The following CUBN variants were observed in gnomAD, a reference collection of about 807,000 sequenced individuals.
The protein encoded by CUBN is 460 kDa receptor.
A neutral mutation model predicts 405.3 loss-of-function variants in CUBN; 282 were observed. That is an observed-to-expected ratio of 0.70 (90% CI 0.63 to 0.77). CUBN has a LOEUF of 0.77. Ranked by LOEUF, CUBN falls within the 30% of genes least tolerant of loss-of-function variation. CUBN has a pLI of 0.00. For missense variants in CUBN, 4,514 were observed against 4,475.2 expected (o/e 1.01, Z -0.25); for synonymous variants, 1,684 against 1,617.0 (o/e 1.04, Z -0.99).
intron 35 of CUBN, among the ~76,000 whole-genome samples, chr10:16,947,785 T>C (rs527637764): frequency 1.8e-4 from 27 of 152,276 alleles, no homozygotes; most frequent in African/African-American, 6.5e-4. Flanking sequence ...TTCTGTAGCT[T>C]TTAACCACTA....
rs765906111 is a variant in CUBN at position 16,904,080 on chromosome 10, C to G, written c.7948G>C (p.Gly2650Arg). 5.0e-6 allele frequency: 8 copies of G among 1,613,698 alleles called. No individual in the cohort carries two copies. The South Asian group carries it at 8.8e-5, about 18-fold the overall frequency. Residue 2650 changes from glycine to arginine, a missense_variant, in exon 51 of 67, where the codon GGT becomes CGT. This residue lies in a region of CUBN where 25 missense variants were observed against 48.5 expected (regional missense o/e 0.52). Transcript: ENST00000377833. ...ADGPLMWRLC[G>R]PSKPTLPLVI... is the part of the protein sequence containing the mutation. ...AATGGCAATGTAGGCTTTGAAGGACCACAAAGTCTCCACATCAGGGGCCCA... is the reference window on the plus strand; with the variant it reads ...AATGGCAATGTAGGCTTTGAAGGACGACAAAGTCTCCACATCAGGGGCCCA...
intron 27 of CUBN, among the ~76,000 whole-genome samples, chr10:17,040,193 A>G (rs1358628483): frequency 6.6e-6 from 1 of 152,158 alleles, no homozygotes; most frequent in Admixed American, 6.5e-5. Flanking sequence ...TGCAGGTAGG[A>G]GGGCAGGTGG....
At chr10:17,010,082 C>T (rs771870630) in intron 28 of CUBN, among the ~76,000 whole-genome samples, 6 of 152,212 alleles carry the variant, frequency 3.9e-5, no homozygotes, top group Non-Finnish European at 8.8e-5. Context: ...GGCCTTGCCC[C>T]AGACCCCATC....
At chr10:16,855,102 T>G (rs1839835363) in intron 59 of CUBN, among the ~76,000 whole-genome samples, 1 of 108,690 alleles carries the variant, frequency 9.2e-6, no homozygotes. Context: ...CCTCCTTCCC[T>G]TCCTTCCTTC....
intron 22 of CUBN, among the ~76,000 whole-genome samples, chr10:17,064,881 A>T (rs909213015): frequency 6.6e-6 from 1 of 152,202 alleles, no homozygotes; most frequent in Non-Finnish European, 1.5e-5. Flanking sequence ...CATTAGGTCA[A>T]ATTGAGAAAT....
rs762144217 is a variant in CUBN, at chr10:17,123,674, C to G, written c.403G>C (p.Val135Leu). 6.2e-7 allele frequency: 1 copy of G among 1,613,762 alleles called. No individual in the cohort carries two copies. The highest frequency in any genetic ancestry group is 1.1e-5 in the South Asian group (1 of 90,940). ...QGLQQTVDKK[V>L]CSSNPCQNGG... The stretch of plus-strand genomic sequence containing the variant: ...TTCTGGCAAGGATTGCTGCTGCAAA[C>G]CTTTTTGTCAACAGTCTGAAACAAA... The change falls in exon 5 of 67, where the codon GTT (valine) becomes CTT (leucine). Residue 135 changes from valine to leucine, a missense_variant. Coordinates refer to ENST00000377833, the MANE Select transcript of CUBN (RefSeq NM_001081.4).
chr10:16,946,789 C>T (rs973931343), intron 36 of CUBN, among the ~76,000 whole-genome samples: 1 of 152,012 alleles, frequency 6.6e-6, no homozygotes, highest in African/African-American at 2.4e-5. Context: ...GCCACTACAC[C>T]CAGCCCCAGA....
At chr10:17,113,469 C>G (rs932017559) in intron 8 of CUBN, among the ~76,000 whole-genome samples, 1 of 151,990 alleles carries the variant, frequency 6.6e-6, no homozygotes, top group Non-Finnish European at 1.5e-5. Flanking sequence ...TCTCATAAAA[C>G]AAAAGATGCC....
chr10:16,984,221 G>A lies in CUBN; in HGVS notation c.4409C>T (p.Ser1470Leu). Residue 1470 changes from serine to leucine, a missense_variant, in exon 30 of 67, where the codon TCA becomes TTA. Around this residue, in one of 5 missense-constraint regions of CUBN, gnomAD observed 1,613 missense variants for 1,542.8 expected, o/e 1.05. Coordinates refer to ENST00000377833, the MANE Select transcript of CUBN (RefSeq NM_001081.4). ...GGAGACCTGCATGGGGTTCTCAGGT[G>A]ATCTCTGGGTACACAGTTGGGCTAT... ...PRIAQLCTQR[S>L]PENPMQVSST... 1.9e-6 allele frequency: 3 copies of A among 1,614,146 alleles called. No homozygotes were observed. Among genetic ancestry groups the A allele is most frequent in the Non-Finnish European group, 2.5e-6 (3 of 1,180,012 alleles).
At position 17,104,519 on chromosome 10, in the gene CUBN, G is replaced by C; in HGVS notation, c.1317C>G (p.Asn439Lys). The change falls in exon 12 of 67, where the codon AAC (asparagine) becomes AAG (lysine). Residue 439 changes from asparagine (N) to lysine (K), a missense_variant. Around this residue, in one of 5 missense-constraint regions of CUBN, gnomAD observed 1,448 missense variants for 1,388.0 expected, o/e 1.04. Coordinates refer to ENST00000377833, the MANE Select transcript of CUBN (RefSeq NM_001081.4). ...CTENINECLS[N>K]PCLNGGTCVD... ...CACAAGTTCCTCCATTCAAACAGGG[G>C]TTGCTCAAACACTCATTGATGTTTT... 2.5e-6 allele frequency: 4 copies of C among 1,613,868 alleles called. No individual in the cohort carries two copies. The highest frequency in any genetic ancestry group is 3.4e-6 in the Non-Finnish European group (4 of 1,179,962).
chr10:16,871,054 G>T (rs1279166352), intron 58 of CUBN, among the ~76,000 whole-genome samples: 2 of 150,628 alleles, frequency 1.3e-5, no homozygotes, highest in East Asian at 3.9e-4. Context: ...TTGAGACAGA[G>T]TCTCACTCTG....
intron 8 of CUBN, among the ~76,000 whole-genome samples, chr10:17,111,824 T>C (rs1836778808): frequency 6.6e-6 from 1 of 152,184 alleles, no homozygotes; most frequent in South Asian, 2.1e-4. Flanking sequence ...CTTGGGAGGC[T>C]GAGGCAGAAG....
intron 55 of CUBN, among the ~76,000 whole-genome samples, chr10:16,889,739 C>CA (rs1212566335): frequency 0.03 from 4,181 of 137,840 alleles, 75 homozygotes; most frequent in Non-Finnish European, 0.043. Context: ...ACTAAAAATA[C>CA]AAAAAAAAAA....
intron 59 of CUBN, among the ~76,000 whole-genome samples, chr10:16,857,930 C>T (rs1839907478): frequency 6.6e-6 from 1 of 152,076 alleles, no homozygotes; most frequent in South Asian, 2.1e-4. Flanking sequence ...TATGGAAAAA[C>T]ATTCTTAGAA....
chr10:17,071,951 T>G lies in CUBN; in HGVS notation c.2322A>C (p.Leu774Phe), dbSNP rs1407014431. The G allele has an allele frequency of 3.1e-6, 5 of 1,612,642 alleles. No individual in the cohort carries two copies. Among genetic ancestry groups the G allele is most frequent in the Non-Finnish European group, 4.2e-6 (5 of 1,179,444 alleles). ...TTCCGTTGCCACAGACTTTTCCAAGTAAGGTTTCACCATCTCGAACCTAAA... is the reference window on the plus strand; with the variant it reads ...TTCCGTTGCCACAGACTTTTCCAAGGAAGGTTTCACCATCTCGAACCTAAA... Reference protein sequence around the residue: ...NYIEVRDGETLLGKVCGNGTI... With the variant: ...NYIEVRDGETFLGKVCGNGTI... Residue 774 changes from leucine to phenylalanine, a missense_variant, in exon 18 of 67, where the codon TTA becomes TTC. By Grantham distance (22) the Leu-to-Phe change is conservative. Around this residue, in one of 5 missense-constraint regions of CUBN, gnomAD observed 1,448 missense variants for 1,388.0 expected, o/e 1.04. Transcript: ENST00000377833.
intron 27 of CUBN, among the ~76,000 whole-genome samples, chr10:17,038,202 A>C (rs1235356441): frequency 6.6e-6 from 1 of 152,090 alleles, no homozygotes; most frequent in Admixed American, 6.5e-5. Flanking sequence ...CTCCATGTTG[A>C]TTTCTCCCAA....
At chr10:16,945,240 C>T (rs192847771) in intron 36 of CUBN, among the ~76,000 whole-genome samples, 1 of 152,120 alleles carries the variant, frequency 6.6e-6, no homozygotes, top group Admixed American at 6.5e-5. Flanking sequence ...TTCTGATAGG[C>T]CTACTAAAGC....
chr10:16,861,906 T>C (rs1840024391), intron 59 of CUBN, among the ~76,000 whole-genome samples: 1 of 152,134 alleles, frequency 6.6e-6, no homozygotes, highest in Non-Finnish European at 1.5e-5. Flanking sequence ...ATCCCAGCAC[T>C]TTGGGAGCCT....
chr10:17,126,833 G>T, intron 3 of CUBN, 34 bp from the exon 4 acceptor site: 1 of 1,611,920 alleles, frequency 6.2e-7, no homozygotes, highest in Non-Finnish European at 8.5e-7. Context: ...TCAGTTAGCT[G>T]GTTCAAAGGC....
Sources: allele counts gnomAD v4.1 joint callset (sites outside exome capture counted in the v4.1 genomes callset), GRCh38; gene constraint gnomAD v4.1.1; regional missense constraint gnomAD v4.1.1; transcripts MANE v1.5; gene names NCBI Gene and HGNC (gene_info 2026-07-23, HGNC 2026-07-21).